Variants in PCSK5 observed in about 807,000 individuals in gnomAD.
PCSK5 encodes proprotein convertase subtilisin/kexin type 5.
PCSK5 carries 129 observed loss-of-function variants against 233.2 expected under a neutral mutation model. The ratio of observed to expected loss-of-function variants is 0.55; its 90% CI spans 0.48 to 0.64. The LOEUF is 0.64. Among genes scored for constraint, PCSK5 ranks in the 30% least tolerant of loss-of-function variants. PCSK5 has a pLI of 0.00. For missense variants in PCSK5, 2,076 were observed against 2,430.1 expected (o/e 0.85, Z 3.06); for synonymous variants, 825 against 879.2 (o/e 0.94, Z 1.09).
intron 7 of PCSK5, among the ~76,000 whole-genome samples, chr9:76,086,751 T>A (rs4745495): frequency 0.22 from 33,753 of 152,066 alleles, 4,352 homozygotes; most frequent in East Asian, 0.36. Context: ...ACTGGGTGCA[T>A]TCTGGTCCCA....
intron 3 of PCSK5, among the ~76,000 whole-genome samples, chr9:76,015,663 G>C (rs1331684796): frequency 6.6e-6 from 1 of 152,094 alleles, no homozygotes; most frequent in Non-Finnish European, 1.5e-5. Flanking sequence ...ATCTTAATTT[G>C]CTTTAGAATC....
intron 7 of PCSK5, among the ~76,000 whole-genome samples, chr9:76,073,605 T>C (rs1830548309): frequency 6.6e-6 from 1 of 152,202 alleles, no homozygotes; most frequent in Non-Finnish European, 1.5e-5. Context: ...CCAAACACTG[T>C]TCATATTTAA....
intron 24 of PCSK5, among the ~76,000 whole-genome samples, chr9:76,263,826 G>C (rs1012497568): frequency 6.6e-6 from 1 of 151,626 alleles, no homozygotes; most frequent in African/African-American, 2.4e-5. Flanking sequence ...CAAACAAATG[G>C]AAAAATATCC....
intron 2 of PCSK5, among the ~76,000 whole-genome samples, chr9:75,937,063 A>G (rs1378895044): frequency 6.6e-6 from 1 of 151,948 alleles, no homozygotes; most frequent in African/African-American, 2.4e-5. Context: ...TTTTTTAGTG[A>G]TAGGTCTCAA....
chr9:75,985,439 T>C (rs1826467950), intron 2 of PCSK5, among the ~76,000 whole-genome samples: 1 of 152,112 alleles, frequency 6.6e-6, no homozygotes, highest in African/African-American at 2.4e-5. Context: ...GAGATAGGGC[T>C]AGGGATTTGG....
At chr9:76,114,646 C>G (rs1295144042) in intron 9 of PCSK5, among the ~76,000 whole-genome samples, 3 of 152,078 alleles carry the variant, frequency 2.0e-5, no homozygotes, top group African/African-American at 7.2e-5. Context: ...GAACTGAAGA[C>G]AGAAAAGTTC....
At chr9:76,107,805 A>G (rs1336991364) in intron 9 of PCSK5, among the ~76,000 whole-genome samples, 1 of 152,218 alleles carries the variant, frequency 6.6e-6, no homozygotes, top group Non-Finnish European at 1.5e-5. Flanking sequence ...AGGACAACCC[A>G]TTTATATCAA....
intron 7 of PCSK5, among the ~76,000 whole-genome samples, chr9:76,091,743 C>A (rs1274001300): frequency 6.6e-6 from 1 of 152,256 alleles, no homozygotes; most frequent in East Asian, 1.9e-4. Flanking sequence ...GCTAGCATAT[C>A]CCCTGACCAA....
At chr9:76,223,005 C>G (rs1825779073) in intron 20 of PCSK5, among the ~76,000 whole-genome samples, 1 of 152,130 alleles carries the variant, frequency 6.6e-6, no homozygotes, top group Non-Finnish European at 1.5e-5. Flanking sequence ...TTTCTGGCAT[C>G]TGAGTGACGA....
intron 30 of PCSK5, among the ~76,000 whole-genome samples, chr9:76,314,104 A>G (rs566293406): frequency 1.3e-5 from 2 of 152,330 alleles, no homozygotes; most frequent in East Asian, 3.9e-4. Context: ...GGAATTGACA[A>G]CACATTAAAA....
At chr9:75,932,863 T>C (rs1272829718) in intron 2 of PCSK5, among the ~76,000 whole-genome samples, 1 of 152,168 alleles carries the variant, frequency 6.6e-6, no homozygotes. Context: ...AGGAGGGGTT[T>C]CTTCCAGAAC....
chr9:76,327,642 T>C (rs914530093), intron 32 of PCSK5, among the ~76,000 whole-genome samples: 4 of 152,136 alleles, frequency 2.6e-5, no homozygotes, highest in Admixed American at 2.6e-4. Flanking sequence ...TGGAGGACCA[T>C]AACAGTAGGT....
intron 1 of PCSK5, among the ~76,000 whole-genome samples, chr9:75,927,763 AGGT>A (rs1823562549): frequency 6.6e-6 from 1 of 152,110 alleles, no homozygotes; most frequent in African/African-American, 2.4e-5. Flanking sequence ...AACATTGGGA[AGGT>A]GTCCTCCTGC....
intron 3 of PCSK5, among the ~76,000 whole-genome samples, chr9:75,987,213 C>T (rs1414584860): frequency 6.6e-6 from 1 of 152,104 alleles, no homozygotes; most frequent in Non-Finnish European, 1.5e-5. Context: ...CCTGCCCTTC[C>T]CCACCTCCTT....
intron 5 of PCSK5, among the ~76,000 whole-genome samples, chr9:76,051,193 G>A (rs1436036718): frequency 2.0e-5 from 3 of 152,160 alleles, no homozygotes; most frequent in East Asian, 3.8e-4. Context: ...GCATTGCTTA[G>A]TGTCTGACAT....
intron 1 of PCSK5, among the ~76,000 whole-genome samples, chr9:75,896,951 A>C (rs1046113635): frequency 2.6e-5 from 4 of 152,210 alleles, no homozygotes; most frequent in African/African-American, 9.6e-5. Flanking sequence ...ATTTGAGTTC[A>C]TCCTGAGAGT....
At chr9:76,064,592 G>A (rs1191421210) in intron 5 of PCSK5, among the ~76,000 whole-genome samples, 3 of 147,462 alleles carry the variant, frequency 2.0e-5, no homozygotes, top group African/African-American at 7.5e-5. Flanking sequence ...CTGCCGGGCG[G>A]AGAGGCTCCT....
chr9:76,157,891 G>A (rs1822669022), intron 11 of PCSK5, among the ~76,000 whole-genome samples: 1 of 152,166 alleles, frequency 6.6e-6, no homozygotes, highest in Non-Finnish European at 1.5e-5. Flanking sequence ...ACTTACTATG[G>A]GCCATGCCAA....
At chr9:76,072,053 G>C (rs1302535155) in intron 7 of PCSK5, among the ~76,000 whole-genome samples, 155 bp downstream of exon 7, 1 of 152,170 alleles carries the variant, frequency 6.6e-6, no homozygotes, top group Non-Finnish European at 1.5e-5. Flanking sequence ...TGAACATTTG[G>C]GATTGTGAGT....
Sources: gnomAD v4.1 joint callset for allele counts (sites outside exome capture counted in the v4.1 genomes callset) on GRCh38, gnomAD v4.1.1 for gene constraint, MANE v1.5 for transcripts, NCBI Gene and HGNC (gene_info 2026-07-23, HGNC 2026-07-21) for gene names.